Variants in GAN observed in about 807,000 individuals in gnomAD.
GAN encodes epididymis secretory sperm binding protein.
GAN carries 48 observed loss-of-function variants against 71.3 expected under a neutral mutation model. The ratio of observed to expected loss-of-function variants is 0.67; its 90% CI spans 0.53 to 0.86. The LOEUF (loss-of-function observed/expected upper bound fraction) is 0.86, where lower values mean the gene tolerates loss of function less well. Ranked by LOEUF, GAN falls within the 40% of genes least tolerant of loss-of-function variation. The pLI, the probability that GAN is intolerant of heterozygous loss-of-function variation, is 0.00. For synonymous variants in GAN, 386 were observed against 276.8 expected, an observed-to-expected ratio of 1.39 and a Z score of -3.92; for missense variants, 928 against 770.1, an observed-to-expected ratio of 1.21 and a Z score of -2.43.
intron 1 of GAN, among the ~76,000 whole-genome samples, chr16:81,343,005 C>G (rs1909996266): frequency 6.6e-6 from 1 of 152,142 alleles, no homozygotes; most frequent in South Asian, 2.1e-4. Flanking sequence ...AACACCTCTA[C>G]AGAAATAAAC....
rs2150687032 is a variant in GAN at position 81,356,928 on chromosome 16, G to T, written c.777G>T (p.Gly259=). The change falls in exon 4 of 11, where the codon GGG becomes GGT. Residue 259 remains glycine (G), a synonymous_variant. Transcript: ENST00000648994. ...TACCGCTCAGCCAGCCGCAGCAAGG[G>T]GAGGCGATGCTGGCCAACTTCAAAC... ...SNIPLSQPQQ[G]EAMLANFKPR... 6.2e-7 allele frequency: 1 copy of T among 1,613,886 alleles called. No homozygotes were observed. The highest frequency in any genetic ancestry group is 8.5e-7 in the Non-Finnish European group (1 of 1,179,874).
chr16:81,326,733 T>C (rs1013357869), intron 1 of GAN, among the ~76,000 whole-genome samples: 2 of 152,222 alleles, frequency 1.3e-5, no homozygotes, highest in East Asian at 1.9e-4. Flanking sequence ...CACAGACCTA[T>C]ACAGCATGTG....
intron 9 of GAN, among the ~76,000 whole-genome samples, chr16:81,368,225 A>T (rs1224133451): frequency 6.6e-6 from 1 of 152,214 alleles, no homozygotes; most frequent in Non-Finnish European, 1.5e-5. Context: ...TATACCCAGA[A>T]TGACGGTTTC....
At chr16:81,374,263 T>A (rs898118894) in intron 9 of GAN, among the ~76,000 whole-genome samples, 2 of 152,224 alleles carry the variant, frequency 1.3e-5, no homozygotes, top group East Asian at 3.8e-4. Flanking sequence ...ACATTAACCT[T>A]GATGACTTGG....
chr16:81,364,222 C>T (rs1466555142), intron 7 of GAN, among the ~76,000 whole-genome samples: 2 of 152,144 alleles, frequency 1.3e-5, no homozygotes, highest in Admixed American at 1.3e-4. Flanking sequence ...GCAGCCACAT[C>T]TTCCCAACCT....
At chr16:81,340,332 A>G (rs181117648) in intron 1 of GAN, among the ~76,000 whole-genome samples, 2 of 152,336 alleles carry the variant, frequency 1.3e-5, no homozygotes. Context: ...CCATCCAGTC[A>G]CATGAGTCAG....
chr16:81,377,618 G>A lies in GAN; in HGVS notation c.*22G>A, dbSNP rs142449119. 193 of 1,607,302 alleles carry A rather than the reference G, an allele frequency of 1.2e-4. 1 individual carries two copies. The African/African-American group carries it at 1.9e-3, about 16-fold the overall frequency. On this transcript the variant is annotated 3_prime_UTR_variant, in exon 11 of 11. Coordinates refer to ENST00000648994, the MANE Select transcript of GAN (RefSeq NM_022041.4). ...TTGAGGAGGAAGCAGAGCAGAGTGCGAGATCCTGACCCAAGAGCACCATAA... is the reference window on the plus strand; with the variant it reads ...TTGAGGAGGAAGCAGAGCAGAGTGCAAGATCCTGACCCAAGAGCACCATAA...
In GAN at chr16:81,379,134, C is replaced by T. The variant is rs144672545; in HGVS notation, c.*1538C>T. 294 of 152,054 alleles carry T rather than the reference C, an allele frequency of 1.9e-3. 1 individual carries two copies. The highest frequency in any genetic ancestry group is 6.7e-3 in the African/African-American group (278 of 41,448). The allele number at this position is 152,054 out of a possible 1,614,324, so 9.4% of individuals were successfully genotyped here. A position where few individuals can be genotyped will look rare whatever the true frequency, so the allele number is the denominator to read the frequency against. ...GTATCCTTTGGTTTTAAGTCGAGAA[C>T]AGGAATTTCTTCTAGAAACTTCCTG... On this transcript the variant is annotated 3_prime_UTR_variant, in exon 11 of 11. Coordinates refer to ENST00000648994, the MANE Select transcript of GAN (RefSeq NM_022041.4).
intron 1 of GAN, 125 bp downstream of exon 1, chr16:81,315,405 G>C (rs564327284): frequency 2.1e-5 from 13 of 607,506 alleles, no homozygotes; most frequent in Non-Finnish European, 3.0e-5. Context: ...CCGCGTCACC[G>C]TTGGCGCGGC....
At position 81,387,335 on chromosome 16, in the gene GAN, G is replaced by T. The variant is rs1904432323; in HGVS notation, c.*9739G>T. On this transcript the variant is annotated 3_prime_UTR_variant, in exon 11 of 11. Transcript: ENST00000648994. ...TCCTGCCCTAGGGGAGGTTGGCACG[G>T]CAACCTTCCCACTCCGTAGGTGGGT... is the stretch of plus-strand genomic sequence containing the variant. The T allele has an allele frequency of 6.6e-6, 1 of 152,124 alleles. No homozygotes were observed. Among genetic ancestry groups the T allele is most frequent in the Non-Finnish European group, 1.5e-5 (1 of 68,040 alleles). 9.4% of individuals were successfully genotyped at this position (152,124 alleles called of 1,614,324 possible).
intron 1 of GAN, among the ~76,000 whole-genome samples, chr16:81,335,299 T>C (rs11647874): frequency 0.79 from 120,067 of 152,026 alleles, 47,635 homozygotes; most frequent in East Asian, 0.94. Flanking sequence ...TCTGAGAAGG[T>C]CGACTGGGGA....
At chr16:81,328,533 T>G (rs1002324920) in intron 1 of GAN, among the ~76,000 whole-genome samples, 1 of 152,234 alleles carries the variant, frequency 6.6e-6, no homozygotes, top group Non-Finnish European at 1.5e-5. Context: ...AAACCTACTT[T>G]GGAGACTATA....
At chr16:81,373,165 T>C (rs1322644202) in intron 9 of GAN, among the ~76,000 whole-genome samples, 2 of 152,232 alleles carry the variant, frequency 1.3e-5, no homozygotes, top group African/African-American at 4.8e-5. Context: ...GAAATAATTG[T>C]ACATTTCTCT....
At chr16:81,367,479 A>G (rs1180833262) in intron 9 of GAN, among the ~76,000 whole-genome samples, 1 of 152,160 alleles carries the variant, frequency 6.6e-6, no homozygotes, top group Non-Finnish European at 1.5e-5. Flanking sequence ...CAGTGAGCCG[A>G]GATTGTGTCA....
intron 9 of GAN, chr16:81,372,056 C>G (rs1041615198): frequency 6.6e-6 from 1 of 152,234 alleles, no homozygotes; most frequent in African/African-American, 2.4e-5. Context: ...CCCTCTTTTC[C>G]TCTATAGCTC....
Position 81,362,570 on chromosome 16 carries a change from C to G in GAN, c.1045C>G (p.Pro349Ala), listed in dbSNP as rs374004725. The G allele has an allele frequency of 2.5e-6, 4 of 1,606,598 alleles. No individual in the cohort carries two copies. In the African/African-American group the frequency reaches 4.0e-5, roughly 16 times the overall value. ...TCTTAGCTCAGGAGAAAAGTATGAT[C>G]CAGATGCAAATACATGGACAGCATT... ...QTLSSGEKYD[P>A]DANTWTALPP... The change falls in exon 6 of 11, where the codon CCA (proline) becomes GCA (alanine). Residue 349 changes from proline to alanine, a missense_variant. Pro to Ala is a conservative substitution (Grantham distance 27). Transcript: ENST00000648994.
chr16:81,362,716 C>A, intron 6 of GAN, 105 bp downstream of exon 6: 1 of 744,296 alleles, frequency 1.3e-6, no homozygotes, highest in Non-Finnish European at 2.5e-6. Context: ...CCTTGTCAAG[C>A]CACCTGCCTC....
chr16:81,361,029 A>G (rs1027373552), intron 5 of GAN, among the ~76,000 whole-genome samples: 4 of 152,110 alleles, frequency 2.6e-5, no homozygotes, highest in African/African-American at 9.7e-5. Context: ...TTTGAAATCA[A>G]CTGGCCAACA....
At chr16:81,333,100 A>C (rs1359195515) in intron 1 of GAN, among the ~76,000 whole-genome samples, 1 of 152,060 alleles carries the variant, frequency 6.6e-6, no homozygotes, top group Non-Finnish European at 1.5e-5. Context: ...AAAATTAGCC[A>C]GGTAGGTGGC....
Sources: allele counts gnomAD v4.1 joint callset (sites outside exome capture counted in the v4.1 genomes callset), GRCh38; gene constraint gnomAD v4.1.1; transcripts MANE v1.5; gene names NCBI Gene and HGNC (gene_info 2026-07-23, HGNC 2026-07-21).